The following PRKCH variants were observed in gnomAD, a reference collection of about 807,000 sequenced individuals.
PRKCH encodes the protein protein kinase C eta type.
Under a neutral mutation model 82.5 loss-of-function variants are expected in PRKCH, and 28 were observed. That is an observed-to-expected ratio of 0.34 (90% confidence interval 0.25 to 0.47). The LOEUF (loss-of-function observed/expected upper bound fraction) is 0.47, where lower values mean the gene tolerates loss of function less well. PRKCH is among the 20% of genes least tolerant of loss of function. The probability of loss-of-function intolerance (pLI) is 1.00; values close to 1 mark genes in which losing one functional copy is unlikely to be tolerated. For synonymous variants in PRKCH, 322 were observed against 327.4 expected (o/e 0.98, Z 0.18); for missense variants, 705 against 881.8 (o/e 0.80, Z 2.54).
intron 1 of PRKCH, among the ~76,000 whole-genome samples, chr14:61,296,762 T>C (rs2045409477): frequency 1.3e-5 from 2 of 152,238 alleles, no homozygotes; most frequent in Non-Finnish European, 2.9e-5. Context: ...TTCTAATGAT[T>C]TTGTTTCTGT....
chr14:61,207,660 G>T (rs776961746), intron 1 of PRKCH, among the ~76,000 whole-genome samples: 3 of 152,068 alleles, frequency 2.0e-5, no homozygotes, highest in Non-Finnish European at 4.4e-5. Context: ...GTCTGCTAAG[G>T]GCTATGCTAA....
At chr14:61,247,712 A>G in intron 1 of PRKCH, among the ~76,000 whole-genome samples, 1 of 136,834 alleles carries the variant, frequency 7.3e-6, no homozygotes. Flanking sequence ...TTCCAGCTTG[A>G]GAGACAGAGT....
chr14:61,404,903 A>G (rs1465272836), intron 2 of PRKCH, among the ~76,000 whole-genome samples: 1 of 151,954 alleles, frequency 6.6e-6, no homozygotes, highest in Non-Finnish European at 1.5e-5. Context: ...AGGTGCCCAC[A>G]TGGTTGTTGG....
intron 1 of PRKCH, among the ~76,000 whole-genome samples, chr14:61,192,709 C>T (rs1352232482): frequency 6.6e-6 from 1 of 152,202 alleles, no homozygotes; most frequent in Non-Finnish European, 1.5e-5. Flanking sequence ...AGCTTAGCAT[C>T]TATAGTAGAT....
At chr14:61,306,195 G>C (rs2045484399) in intron 1 of PRKCH, 1 of 152,190 alleles carries the variant, frequency 6.6e-6, no homozygotes. Flanking sequence ...TTTAGGCTGG[G>C]ACAGTATTCC....
chr14:61,423,871 G>T (rs915976938), intron 2 of PRKCH, among the ~76,000 whole-genome samples: 7 of 152,196 alleles, frequency 4.6e-5, no homozygotes, highest in African/African-American at 1.7e-4. Context: ...GATAGGTTTT[G>T]TGTCCTCACC....
intron 1 of PRKCH, among the ~76,000 whole-genome samples, chr14:61,222,490 C>T (rs1021744123): frequency 1.3e-5 from 2 of 152,298 alleles, no homozygotes; most frequent in South Asian, 2.1e-4. Flanking sequence ...AGACTAGACT[C>T]ATATTTCCTG....
At chr14:61,407,325 G>T (rs1384543288) in intron 2 of PRKCH, among the ~76,000 whole-genome samples, 2 of 152,198 alleles carry the variant, frequency 1.3e-5, no homozygotes, top group Non-Finnish European at 2.9e-5. Context: ...AGGCGGGACT[G>T]CATGTCTAAT....
At chr14:61,376,708 C>A (rs563113665) in intron 1 of PRKCH, among the ~76,000 whole-genome samples, 6 of 152,268 alleles carry the variant, frequency 3.9e-5, no homozygotes, top group African/African-American at 1.4e-4. Context: ...CATCTACACC[C>A]CTCTAGTTTG....
chr14:61,511,520 G>A (rs1233044028), intron 10 of PRKCH, among the ~76,000 whole-genome samples: 2 of 152,206 alleles, frequency 1.3e-5, no homozygotes, highest in African/African-American at 2.4e-5. Flanking sequence ...GGTGAAGAAC[G>A]CTCCTTGCCT....
intron 1 of PRKCH, among the ~76,000 whole-genome samples, chr14:61,193,925 G>T (rs963064814): frequency 2.0e-5 from 3 of 152,126 alleles, no homozygotes; most frequent in Non-Finnish European, 4.4e-5. Context: ...TTCCCAGGCT[G>T]GCTTTTCCTG....
intron 2 of PRKCH, among the ~76,000 whole-genome samples, chr14:61,402,142 G>A (rs1281870854): frequency 6.6e-6 from 1 of 152,204 alleles, no homozygotes; most frequent in Non-Finnish European, 1.5e-5. Flanking sequence ...ATTGTGTTAT[G>A]AGATATGTCA....
At chr14:61,326,936 C>T (rs1174703707) in intron 1 of PRKCH, 4 of 348,528 alleles carry the variant, frequency 1.1e-5, no homozygotes, top group Non-Finnish European at 2.4e-5. Flanking sequence ...TTTCTTCTTT[C>T]GTGTACTTGC....
chr14:61,408,984 C>G (rs894785402), intron 2 of PRKCH, among the ~76,000 whole-genome samples: 4 of 152,176 alleles, frequency 2.6e-5, no homozygotes, highest in African/African-American at 9.7e-5. Flanking sequence ...TTCACTAACT[C>G]TGGGGAAAGT....
chr14:61,531,943 G>C (rs2043048350), intron 12 of PRKCH, among the ~76,000 whole-genome samples: 1 of 152,164 alleles, frequency 6.6e-6, no homozygotes, highest in African/African-American at 2.4e-5. Context: ...ACTTCCTGAA[G>C]GGAAATGTAC....
chr14:61,237,015 A>G (rs2044795498), intron 1 of PRKCH, among the ~76,000 whole-genome samples: 1 of 152,140 alleles, frequency 6.6e-6, no homozygotes, highest in Non-Finnish European at 1.5e-5. Context: ...ACTTGCTTCC[A>G]CTTTACCCTA....
chr14:61,372,809 C>A (rs547271310), intron 1 of PRKCH, among the ~76,000 whole-genome samples: 2 of 152,120 alleles, frequency 1.3e-5, no homozygotes, highest in African/African-American at 4.8e-5. Context: ...TGCATATATT[C>A]AAGTTCTGTG....
chr14:61,352,410 C>T (rs578231325), intron 1 of PRKCH, among the ~76,000 whole-genome samples: 1 of 152,226 alleles, frequency 6.6e-6, no homozygotes, highest in South Asian at 2.1e-4. Context: ...TGCCTGTGAT[C>T]CCAGCACTTT....
intron 1 of PRKCH, among the ~76,000 whole-genome samples, chr14:61,355,660 C>CA (rs1418869322): frequency 1.3e-5 from 2 of 152,100 alleles, no homozygotes; most frequent in African/African-American, 4.8e-5. Flanking sequence ...TCATATTCAA[C>CA]ATGGAAATTT....
Sources: gnomAD v4.1 joint callset for allele counts (sites outside exome capture counted in the v4.1 genomes callset) on GRCh38, gnomAD v4.1.1 for gene constraint, MANE v1.5 for transcripts, NCBI Gene and HGNC (gene_info 2026-07-23, HGNC 2026-07-21) for gene names.